Variants in CLIP4 observed in about 807,000 individuals in gnomAD.
CLIP4 encodes the protein CAP-Gly domain-containing linker protein 4.
A neutral mutation model predicts 73.1 loss-of-function variants in CLIP4; 47 were observed. The ratio of observed to expected loss-of-function variants is 0.64; its 90% CI spans 0.51 to 0.82. The LOEUF is 0.82. Ranked by LOEUF, CLIP4 falls within the 40% of genes least tolerant of loss-of-function variation. CLIP4 has a pLI of 0.00. For synonymous variants in CLIP4, 306 were observed against 295.4 expected (o/e 1.04, Z -0.37); for missense variants, 874 against 852.9 (o/e 1.02, Z -0.31).
chr2:29,158,245 G>A (rs1572987676), intron 11 of CLIP4, among the ~76,000 whole-genome samples: 1 of 152,140 alleles, frequency 6.6e-6, no homozygotes, highest in African/African-American at 2.4e-5. Flanking sequence ...GAGGTGAGAA[G>A]GTACAGTGCT....
intron 14 of CLIP4, among the ~76,000 whole-genome samples, chr2:29,173,876 T>C (rs892284737): frequency 3.9e-5 from 6 of 152,218 alleles, no homozygotes; most frequent in Non-Finnish European, 8.8e-5. Flanking sequence ...AACCATTTTA[T>C]CTTTTTCTTT....
intron 14 of CLIP4, 100 bp downstream of exon 14, chr2:29,167,640 CTG>C (rs1416388008): frequency 1.3e-6 from 1 of 771,904 alleles, no homozygotes; most frequent in African/African-American, 1.8e-5. Flanking sequence ...GGTCTATAAA[CTG>C]TATTTGTATA....
chr2:29,170,391 C>T (rs1422564183), intron 14 of CLIP4, among the ~76,000 whole-genome samples: 1 of 152,174 alleles, frequency 6.6e-6, no homozygotes, highest in African/African-American at 2.4e-5. Context: ...AACAGTGTCC[C>T]AATAACAGTG....
At chr2:29,121,595 T>G in intron 2 of CLIP4, 74 bp downstream of exon 2, 1 of 1,501,490 alleles carries the variant, frequency 6.7e-7, no homozygotes, top group Non-Finnish European at 9.0e-7. Flanking sequence ...TTTGCACTCA[T>G]AGTCTTTCTT....
intron 6 of CLIP4, among the ~76,000 whole-genome samples, chr2:29,136,049 T>C (rs1045790926): frequency 3.3e-5 from 5 of 152,204 alleles, no homozygotes; most frequent in Non-Finnish European, 7.3e-5. Context: ...CGGAAAGTTA[T>C]ATACCCATTT....
chr2:29,175,982 C>T (rs559294886), intron 15 of CLIP4, among the ~76,000 whole-genome samples: 30 of 152,264 alleles, frequency 2.0e-4, no homozygotes, highest in South Asian at 1.0e-3. Context: ...AGGATGGTCT[C>T]GATCTCCTGA....
At chr2:29,163,625 T>C (rs150591934) in intron 12 of CLIP4, among the ~76,000 whole-genome samples, 276 of 152,326 alleles carry the variant, frequency 1.8e-3, no homozygotes, top group African/African-American at 6.4e-3. Flanking sequence ...GCTCTGCAAT[T>C]ATGCTTGTAA....
chr2:29,121,110 G>A (rs899109810), intron 1 of CLIP4, among the ~76,000 whole-genome samples: 3 of 152,114 alleles, frequency 2.0e-5, no homozygotes, highest in Non-Finnish European at 4.4e-5. Flanking sequence ...AGCATTTAAA[G>A]TGTTTTCACC....
chr2:29,166,021 T>A (rs1004794601), intron 13 of CLIP4, among the ~76,000 whole-genome samples: 1 of 151,782 alleles, frequency 6.6e-6, no homozygotes, highest in African/African-American at 2.4e-5. Context: ...GCTATCTCAA[T>A]CCAGCTGTCT....
At chr2:29,129,815 G>A (rs562485083) in intron 2 of CLIP4, among the ~76,000 whole-genome samples, 5 of 152,196 alleles carry the variant, frequency 3.3e-5, no homozygotes, top group Admixed American at 1.3e-4. Context: ...AAGGTTCTCC[G>A]AAGTGGTCAC....
intron 6 of CLIP4, among the ~76,000 whole-genome samples, chr2:29,142,249 G>A (rs1450240056): frequency 6.6e-6 from 1 of 151,808 alleles, no homozygotes; most frequent in Non-Finnish European, 1.5e-5. Context: ...TCATGAATAA[G>A]CCTTCTTGTC....
intron 8 of CLIP4, 72 bp from the exon 9 acceptor site, chr2:29,152,613 A>G: frequency 5.4e-6 from 8 of 1,477,450 alleles, no homozygotes; most frequent in Non-Finnish European, 6.5e-6. Context: ...TTATGTTACT[A>G]ATTAGTTGTA....
chr2:29,168,518 T>TC (rs1667778318), intron 14 of CLIP4, among the ~76,000 whole-genome samples: 1 of 117,676 alleles, frequency 8.5e-6, no homozygotes. Flanking sequence ...TGCCCTTTTT[T>TC]TTTTTTTTTT....
chr2:29,143,125 G>A (rs1665887254), intron 6 of CLIP4, among the ~76,000 whole-genome samples: 1 of 152,236 alleles, frequency 6.6e-6, no homozygotes, highest in South Asian at 2.1e-4. Context: ...CTGGAACCAT[G>A]GATCTGGGGC....
At chr2:29,151,450 A>T (rs550228188) in intron 8 of CLIP4, among the ~76,000 whole-genome samples, 2 of 152,240 alleles carry the variant, frequency 1.3e-5, no homozygotes, top group East Asian at 3.9e-4. Context: ...TTAGGGAAGG[A>T]AAATAATTTA....
At chr2:29,165,594 A>G (rs1667558501) in intron 13 of CLIP4, among the ~76,000 whole-genome samples, 1 of 152,216 alleles carries the variant, frequency 6.6e-6, no homozygotes, top group South Asian at 2.1e-4. Flanking sequence ...AGTAAAATGC[A>G]TGCTGAGTCA....
chr2:29,103,138 T>A (rs1335396300), intron 1 of CLIP4, among the ~76,000 whole-genome samples: 1 of 152,226 alleles, frequency 6.6e-6, no homozygotes, highest in Non-Finnish European at 1.5e-5. Flanking sequence ...ATTTAAGTTC[T>A]ACCTTCTCTA....
intron 5 of CLIP4, among the ~76,000 whole-genome samples, chr2:29,134,765 G>A (rs75542792): frequency 0.02 from 2,982 of 152,166 alleles, 104 homozygotes; most frequent in African/African-American, 0.069. Context: ...AGGATTTCCT[G>A]TATTTAAGTA....
intron 6 of CLIP4, among the ~76,000 whole-genome samples, chr2:29,140,123 C>T (rs988271640): frequency 2.0e-5 from 3 of 151,730 alleles, no homozygotes; most frequent in Non-Finnish European, 1.5e-5. Flanking sequence ...TACTTGTGCA[C>T]AATGTGCAGG....
Sources: gnomAD v4.1 joint callset for allele counts (sites outside exome capture counted in the v4.1 genomes callset) on GRCh38, gnomAD v4.1.1 for gene constraint, MANE v1.5 for transcripts, NCBI Gene and HGNC (gene_info 2026-07-23, HGNC 2026-07-21) for gene names.